The following SGCB variants were observed in gnomAD, a reference collection of about 807,000 sequenced individuals.
The protein encoded by SGCB is beta-sarcoglycan.
Under a neutral mutation model 27.3 loss-of-function variants are expected in SGCB, and 25 were observed. The ratio of observed to expected loss-of-function variants is 0.92; its 90% CI spans 0.67 to 1.28. The LOEUF is 1.28. Among genes scored for constraint, SGCB ranks in the 50% most tolerant of loss-of-function variants. SGCB has a pLI of 0.00. For missense variants in SGCB, 436 were observed against 402.1 expected (o/e 1.08, Z -0.72); for synonymous variants, 147 against 133.5 (o/e 1.10, Z -0.70).
intron 1 of SGCB, among the ~76,000 whole-genome samples, chr4:52,036,658 C>T (rs191019436): frequency 6.6e-6 from 1 of 152,194 alleles, no homozygotes; most frequent in East Asian, 1.9e-4. Flanking sequence ...GTAGAACTGT[C>T]AGGATCTCGT....
chr4:52,038,122 C>A (rs1737447702), intron 1 of SGCB, 105 bp downstream of exon 1: 17 of 933,726 alleles, frequency 1.8e-5, no homozygotes, highest in Non-Finnish European at 2.1e-5. Flanking sequence ...CCAGACCCTG[C>A]GGCCCGCGCC....
chr4:52,034,967 T>A (rs1737348221), intron 1 of SGCB, among the ~76,000 whole-genome samples: 1 of 152,234 alleles, frequency 6.6e-6, no homozygotes, highest in Non-Finnish European at 1.5e-5. Context: ...ATAGTAAATA[T>A]CAATGAATAT....
chr4:52,026,426 T>G (rs973866782), intron 5 of SGCB, among the ~76,000 whole-genome samples: 4 of 151,760 alleles, frequency 2.6e-5, no homozygotes, highest in Non-Finnish European at 5.9e-5. Context: ...GCCCAGGTAA[T>G]TTTTGTATTT....
intron 5 of SGCB, among the ~76,000 whole-genome samples, 170 bp from the exon 6 acceptor site, chr4:52,024,330 T>C (rs1454004948): frequency 2.0e-5 from 3 of 152,212 alleles, no homozygotes; most frequent in Non-Finnish European, 2.9e-5. Flanking sequence ...CAGGATTCAA[T>C]GAGTGACTTC....
intron 2 of SGCB, among the ~76,000 whole-genome samples, chr4:52,032,709 A>G (rs982913810): frequency 6.6e-6 from 1 of 152,244 alleles, no homozygotes; most frequent in Non-Finnish European, 1.5e-5. Flanking sequence ...TAACACAAAA[A>G]GAATCACTTC....
At chr4:52,038,130 G>GCCCCCCGCA in intron 1 of SGCB, 97 bp downstream of exon 1, 1 of 876,580 alleles carries the variant, frequency 1.1e-6, no homozygotes, top group Non-Finnish European at 1.3e-6. Flanking sequence ...TGCGGCCCGC[G>GCCCCCCGCA]CCCCCCGCAC....
chr4:52,038,268 G>GCCC lies in SGCB; in HGVS notation c.-12_-10dup. On this transcript the variant is annotated 5_prime_UTR_variant, in exon 1 of 6. Transcript: ENST00000381431. ...GCCGCCGCTGCCGCCATCTTCCCGCGCCCGCCGCCGCCGAGCTCCCCGCCC... is the reference window on the plus strand; with the variant it reads ...GCCGCCGCTGCCGCCATCTTCCCGCGCCCCCCGCCGCCGCCGAGCTCCCCGCCC... 7.7e-7 allele frequency: 1 copy of GCCC among 1,292,796 alleles called. No homozygotes were observed. Among genetic ancestry groups the GCCC allele is most frequent in the Non-Finnish European group, 9.8e-7 (1 of 1,018,082 alleles). 80.1% of individuals were successfully genotyped at this position (1,292,796 alleles called of 1,614,324 possible).
At chr4:52,029,623 T>G (rs948784673) in intron 3 of SGCB, 55 bp downstream of exon 3, 1 of 1,206,638 alleles carries the variant, frequency 8.3e-7, no homozygotes, top group African/African-American at 1.5e-5. Context: ...GCAAAGTATT[T>G]TTCTCTAATG....
rs1224701275 is a variant in SGCB, at chr4:52,021,931, A to C, written c.*2026T>G. 1 of 152,220 alleles carries C rather than the reference A, an allele frequency of 6.6e-6. No individual in the cohort carries two copies. Among genetic ancestry groups the C allele is most frequent in the Non-Finnish European group, 1.5e-5 (1 of 68,028 alleles). 9.4% of individuals were successfully genotyped at this position (152,220 alleles called of 1,614,324 possible). On this transcript the variant is annotated 3_prime_UTR_variant, in exon 6 of 6. Coordinates refer to ENST00000381431, the MANE Select transcript of SGCB (RefSeq NM_000232.5). ...GTAAAAATAGATTATTTCCTGAACTACATTTAATAAATAATATTTTGTAAT... is the reference window on the plus strand; with the variant it reads ...GTAAAAATAGATTATTTCCTGAACTCCATTTAATAAATAATATTTTGTAAT...
rs1169029157 is a variant in SGCB at position 52,023,780 on chromosome 4, T to C, written c.*177A>G. ...TGAAGATTAGTATAAATTAATAAAA[T>C]GTATTAGAATTTAGGCTCTCTGAGA... On this transcript the variant is annotated 3_prime_UTR_variant, in exon 6 of 6. Transcript: ENST00000381431. The C allele has an allele frequency of 1.0e-5, 6 of 586,168 alleles. No homozygotes were observed. Among genetic ancestry groups the C allele is most frequent in the African/African-American group, 9.3e-5 (5 of 53,716 alleles). The allele number at this position is 586,168 out of a possible 1,614,324, so 36.3% of individuals were successfully genotyped here.
Position 52,023,755 on chromosome 4 carries a change from T to C in SGCB, c.*202A>G, listed in dbSNP as rs1737012592. On this transcript the variant is annotated 3_prime_UTR_variant, in exon 6 of 6. Coordinates refer to ENST00000381431, the MANE Select transcript of SGCB (RefSeq NM_000232.5). ...TAATTATTTTAGAGAACAGTAAATA[T>C]GAAGATTAGTATAAATTAATAAAAT... 2 of 537,184 alleles carry C rather than the reference T, an allele frequency of 3.7e-6. No homozygotes were observed. The highest frequency in any genetic ancestry group is 6.6e-6 in the Non-Finnish European group (2 of 302,582). The allele number at this position is 537,184 out of a possible 1,614,324, so 33.3% of individuals were successfully genotyped here. A position where few individuals can be genotyped will look rare whatever the true frequency, so the allele number is the denominator to read the frequency against.
chr4:52,025,461 G>C (rs1405082290), intron 5 of SGCB, among the ~76,000 whole-genome samples: 1 of 152,160 alleles, frequency 6.6e-6, no homozygotes, highest in African/African-American at 2.4e-5. Flanking sequence ...CAAAGGCCCC[G>C]AGGTGAAGAT....
chr4:52,036,194 A>G (rs982616132), intron 1 of SGCB, among the ~76,000 whole-genome samples: 7 of 152,234 alleles, frequency 4.6e-5, no homozygotes, highest in Admixed American at 4.6e-4. Context: ...GAAAAGCTGA[A>G]GGTTGAGTTA....
intron 4 of SGCB, 129 bp downstream of exon 4, chr4:52,028,601 A>T: frequency 8.6e-6 from 6 of 696,446 alleles, no homozygotes. Context: ...GCGCCACTGC[A>T]CTCCAGCCTG....
Position 52,038,286 on chromosome 4 carries a change from C to CCCCGCCCGACTGTG in SGCB, c.-28_-27insCACAGTCGGGCGGG. ...TTCCCGCGCCCGCCGCCGCCGAGCT[C>CCCCGCCCGACTGTG]CCCGCCCGACTGTGCCCGCCCCTCC... is the stretch of plus-strand genomic sequence containing the variant. On this transcript the variant is annotated 5_prime_UTR_variant, in exon 1 of 6. Coordinates refer to ENST00000381431, the MANE Select transcript of SGCB (RefSeq NM_000232.5). The CCCCGCCCGACTGTG allele has an allele frequency of 1.6e-6, 2 of 1,286,334 alleles. No individual in the cohort carries two copies. The highest frequency in any genetic ancestry group is 2.6e-5 in the South Asian group (1 of 38,178). The allele number at this position is 1,286,334 out of a possible 1,614,324, so 79.7% of individuals were successfully genotyped here.
Position 52,034,445 on chromosome 4 carries a change from A to G in SGCB, c.34-805T>C, listed in dbSNP as rs548701342. ...GTCATTATTCCCTAAACAATACAGT[A>G]TAACAACTGTTTACATAGTGTTTAC... is the stretch of plus-strand genomic sequence containing the variant. On this transcript the variant is annotated intron_variant, in intron 1 of 5. Coordinates refer to ENST00000381431, the MANE Select transcript of SGCB (RefSeq NM_000232.5). Among the ~76,000 whole-genome samples, 3 of 150,922 alleles carry G rather than the reference A, an allele frequency of 2.0e-5. No homozygotes were observed. In the East Asian group the frequency reaches 5.8e-4, roughly 29 times the overall value.
intron 1 of SGCB, 137 bp from the exon 2 acceptor site, chr4:52,033,777 T>A (rs932322365): frequency 1.4e-6 from 1 of 726,012 alleles, no homozygotes; most frequent in Non-Finnish European, 2.5e-6. Context: ...GCAAATCACA[T>A]TGAGTTGCAG....
At position 52,029,719 on chromosome 4, in the gene SGCB, T is replaced by A; in HGVS notation, c.388A>T (p.Arg130Trp). The A allele has an allele frequency of 6.2e-7, 1 of 1,613,856 alleles. No homozygotes were observed. The highest frequency in any genetic ancestry group is 8.5e-7 in the Non-Finnish European group (1 of 1,179,812). ...HPLYKSTVGG[R>W]RNENLVITGN... is the part of the protein sequence containing the mutation. ...GTGATGACCAAATTTTCATTTCGCC[T>A]TCCTCCTACTGTGCTTTTATAAAGA... The change falls in exon 3 of 6, where the codon AGG becomes TGG. Residue 130 changes from arginine to tryptophan, a missense_variant. Coordinates refer to ENST00000381431, the MANE Select transcript of SGCB (RefSeq NM_000232.5).
rs901401236 is a variant in SGCB, at chr4:52,023,775, T to C, written c.*182A>G. The C allele has an allele frequency of 3.4e-6, 2 of 581,560 alleles. No homozygotes were observed. Among genetic ancestry groups the C allele is most frequent in the Non-Finnish European group, 6.1e-6 (2 of 328,220 alleles). The allele number at this position is 581,560 out of a possible 1,614,324, so 36.0% of individuals were successfully genotyped here. A position where few individuals can be genotyped will look rare whatever the true frequency, so the allele number is the denominator to read the frequency against. ...AAATATGAAGATTAGTATAAATTAATAAAATGTATTAGAATTTAGGCTCTC... is the reference window on the plus strand; with the variant it reads ...AAATATGAAGATTAGTATAAATTAACAAAATGTATTAGAATTTAGGCTCTC... On this transcript the variant is annotated 3_prime_UTR_variant, in exon 6 of 6. Coordinates refer to ENST00000381431, the MANE Select transcript of SGCB (RefSeq NM_000232.5).
Sources: gnomAD v4.1 joint callset for allele counts (sites outside exome capture counted in the v4.1 genomes callset) on GRCh38, gnomAD v4.1.1 for gene constraint, MANE v1.5 for transcripts, NCBI Gene and HGNC (gene_info 2026-07-23, HGNC 2026-07-21) for gene names.